PXDNL: variants seen among roughly 807,000 people sequenced by gnomAD.
PXDNL encodes probable oxidoreductase PXDNL.
A neutral mutation model predicts 150.8 loss-of-function variants in PXDNL; 145 were observed. The ratio of observed to expected loss-of-function variants is 0.96; its 90% CI spans 0.84 to 1.10. The LOEUF (loss-of-function observed/expected upper bound fraction) is 1.10, where lower values mean the gene tolerates loss of function less well. Among genes scored for constraint, PXDNL ranks in the 50% least tolerant of loss-of-function variants. PXDNL has a pLI of 0.00. For synonymous variants in PXDNL, 757 were observed against 725.7 expected, an observed-to-expected ratio of 1.04 and a Z score of -0.69; for missense variants, 2,087 against 1,873.9, an observed-to-expected ratio of 1.11 and a Z score of -2.10.
chr8:51,779,319 G>T (rs953098038), intron 1 of PXDNL, among the ~76,000 whole-genome samples: 1 of 152,174 alleles, frequency 6.6e-6, no homozygotes, highest in Non-Finnish European at 1.5e-5. Flanking sequence ...ATCTGACGGC[G>T]AGGCGAAGTC....
intron 19 of PXDNL, among the ~76,000 whole-genome samples, chr8:51,353,401 T>C (rs1195897119): frequency 6.6e-6 from 1 of 151,916 alleles, no homozygotes; most frequent in African/African-American, 2.4e-5. Flanking sequence ...TTAATAAAAC[T>C]ACAAGTTTGT....
intron 17 of PXDNL, among the ~76,000 whole-genome samples, chr8:51,388,386 C>T (rs1392236177): frequency 2.0e-5 from 3 of 151,912 alleles, no homozygotes; most frequent in Non-Finnish European, 2.9e-5. Context: ...TATTAACTTT[C>T]GCTTTTCTAT....
At chr8:51,453,164 A>G (rs1350469075) in intron 10 of PXDNL, among the ~76,000 whole-genome samples, 1 of 152,234 alleles carries the variant, frequency 6.6e-6, no homozygotes. Context: ...ACAGTTTGGT[A>G]AGTGACTATG....
intron 4 of PXDNL, among the ~76,000 whole-genome samples, chr8:51,541,571 A>T (rs80153956): frequency 0.019 from 2,839 of 152,188 alleles, 37 homozygotes; most frequent in African/African-American, 0.034. Flanking sequence ...ACACGTGCAG[A>T]TCATTGTCCG....
intron 1 of PXDNL, among the ~76,000 whole-genome samples, chr8:51,664,250 C>T (rs968788688): frequency 6.6e-6 from 1 of 152,070 alleles, no homozygotes; most frequent in African/African-American, 2.4e-5. Flanking sequence ...ATGTCTTTCA[C>T]TTGGAAACAA....
At chr8:51,725,576 G>T (rs1816805809) in intron 1 of PXDNL, among the ~76,000 whole-genome samples, 1 of 152,116 alleles carries the variant, frequency 6.6e-6, no homozygotes, top group South Asian at 2.1e-4. Context: ...CGTTGTCCTG[G>T]CCTCCACCAT....
intron 1 of PXDNL, among the ~76,000 whole-genome samples, chr8:51,747,331 C>T (rs2036996724): frequency 6.6e-6 from 1 of 152,148 alleles, no homozygotes; most frequent in Non-Finnish European, 1.5e-5. Flanking sequence ...TTCTACGTTG[C>T]TCTTTGCCAT....
In PXDNL at chr8:51,475,140, G is replaced by T; in HGVS notation, c.526C>A (p.Arg176Ser). 1.9e-6 allele frequency: 3 copies of T among 1,610,900 alleles called. No individual in the cohort carries two copies. Among genetic ancestry groups the T allele is most frequent in the Non-Finnish European group, 2.5e-6 (3 of 1,177,616 alleles). The change falls in exon 7 of 23, where the codon CGT (arginine) becomes AGT (serine). Residue 176 changes from arginine (R) to serine (S), a missense_variant and splice_region_variant. Physicochemically the swap from Arg to Ser is moderately radical, Grantham distance 110 (BLOSUM62 -1). Transcript: ENST00000356297. ...CAAACCAGGGCGTTGGAATCCAGACGCCTAGGCATGCAGGCAAGAAGTACA... is the reference window on the plus strand; with the variant it reads ...CAAACCAGGGCGTTGGAATCCAGACTCCTAGGCATGCAGGCAAGAAGTACA... ...FSNLDSLKRL[R>S]LDSNALVCDC...
intron 5 of PXDNL, among the ~76,000 whole-genome samples, chr8:51,497,019 A>T (rs1362474323): frequency 6.6e-6 from 1 of 152,186 alleles, no homozygotes; most frequent in Non-Finnish European, 1.5e-5. Context: ...GCATCACCCT[A>T]CCTGACTTCA....
At chr8:51,785,255 A>T (rs1297256861) in intron 1 of PXDNL, among the ~76,000 whole-genome samples, 1 of 152,208 alleles carries the variant, frequency 6.6e-6, no homozygotes. Context: ...CAAAAAAAAA[A>T]ACTTGAATGA....
intron 6 of PXDNL, among the ~76,000 whole-genome samples, chr8:51,477,036 C>T (rs1477776648): frequency 6.6e-6 from 1 of 152,118 alleles, no homozygotes; most frequent in East Asian, 1.9e-4. Context: ...ATCAATATCA[C>T]GTTACTGGAA....
intron 4 of PXDNL, among the ~76,000 whole-genome samples, chr8:51,541,850 C>T (rs544677741): frequency 1.3e-5 from 2 of 152,162 alleles, no homozygotes; most frequent in Non-Finnish European, 2.9e-5. Context: ...GCAGCCTGCT[C>T]TCCAGTTCTC....
At chr8:51,349,986 TG>T in intron 19 of PXDNL, among the ~76,000 whole-genome samples, 1 of 152,298 alleles carries the variant, frequency 6.6e-6, no homozygotes, top group Middle Eastern at 3.4e-3. Context: ...AGGGACACTT[TG>T]AGAATGAATG....
chr8:51,320,913 A>C lies in PXDNL; in HGVS notation c.4147-16T>G. 1 of 1,581,250 alleles carries C rather than the reference A, an allele frequency of 6.3e-7. No individual in the cohort carries two copies. The highest frequency in any genetic ancestry group is 1.1e-5 in the South Asian group (1 of 90,300). On this transcript the variant is annotated splice_polypyrimidine_tract_variant and intron_variant, in intron 21 of 22. Transcript: ENST00000356297. ...GCTTGTTTATCTGAAAGGGGAGGCA[A>C]AGGAAAGAAGAGTGGAAATTGAAGC...
chr8:51,409,264 C>A lies in PXDNL; in HGVS notation c.2360G>T (p.Trp787Leu). 1 of 1,460,044 alleles carries A rather than the reference C, an allele frequency of 6.8e-7. No individual in the cohort carries two copies. Among genetic ancestry groups the A allele is most frequent in the Non-Finnish European group, 9.0e-7 (1 of 1,110,854 alleles). 90.4% of individuals were successfully genotyped at this position (1,460,044 alleles called of 1,614,324 possible). The change falls in exon 17 of 23, where the codon TGG becomes TTG. Residue 787 changes from tryptophan (W) to leucine (L), a missense_variant. By Grantham distance (61) the Trp-to-Leu change is moderately conservative. Transcript: ENST00000356297. ...GGGGGTGACGGCCGCCGCGCGCGCC[C>A]ACACTGTGGCGACCAGCCGGGGCGG... The part of the protein sequence containing the change: ...LPPPRLVATV[W>L]ARAAAVTPDH...
chr8:51,641,428 T>C (rs1814752450), intron 2 of PXDNL, among the ~76,000 whole-genome samples: 1 of 151,074 alleles, frequency 6.6e-6, no homozygotes, highest in South Asian at 2.1e-4. Flanking sequence ...ACCTAAAAAA[T>C]GGGAGAAAAT....
chr8:51,386,716 C>A (rs1807725335), intron 17 of PXDNL, among the ~76,000 whole-genome samples: 2 of 151,546 alleles, frequency 1.3e-5, no homozygotes, highest in South Asian at 4.2e-4. Context: ...ACTAGGGAGG[C>A]TGAGGCAGAA....
At chr8:51,471,787 C>T (rs867906074) in intron 8 of PXDNL, among the ~76,000 whole-genome samples, 71 of 151,566 alleles carry the variant, frequency 4.7e-4, no homozygotes, top group African/African-American at 1.6e-3. Context: ...CCCGGGTTCA[C>T]GCCATTCTCC....
At chr8:51,345,753 A>AAT in intron 20 of PXDNL, 80 bp downstream of exon 20, 2 of 780,810 alleles carry the variant, frequency 2.6e-6, no homozygotes, top group Non-Finnish European at 4.2e-6. Flanking sequence ...GGTCTCTATT[A>AAT]AAAAAGATAA....
Sources: allele counts gnomAD v4.1 joint callset (sites outside exome capture counted in the v4.1 genomes callset), GRCh38; gene constraint gnomAD v4.1.1; transcripts MANE v1.5; gene names NCBI Gene and HGNC (gene_info 2026-07-23, HGNC 2026-07-21).